The following LMNTD1 variants were observed in gnomAD, a reference collection of about 807,000 sequenced individuals.
LMNTD1 encodes the protein lamin tail domain-containing protein 1.
In LMNTD1, 35 loss-of-function variants were observed where a neutral mutation model predicts 50.9. The ratio of observed to expected loss-of-function variants is 0.69; its 90% confidence interval spans 0.53 to 0.91. The LOEUF (loss-of-function observed/expected upper bound fraction) is 0.91. Ranked by LOEUF, LMNTD1 falls within the 40% of genes least tolerant of loss-of-function variation. The pLI is 0.00. For synonymous variants in LMNTD1, 153 were observed against 161.9 expected, an observed-to-expected ratio of 0.94 and a Z score of 0.42; for missense variants, 470 against 475.5, an observed-to-expected ratio of 0.99 and a Z score of 0.11.
chr12:25,631,435 C>T (rs532267762), intron 1 of LMNTD1, among the ~76,000 whole-genome samples: 3 of 152,200 alleles, frequency 2.0e-5, no homozygotes, highest in Non-Finnish European at 4.4e-5. Context: ...GCACTGGTAT[C>T]CACAGCTGAG....
At chr12:25,490,413 A>G (rs1456067894) in intron 9 of LMNTD1, among the ~76,000 whole-genome samples, 2 of 152,216 alleles carry the variant, frequency 1.3e-5, no homozygotes, top group Admixed American at 1.3e-4. Context: ...AACAAGGTAT[A>G]TACTCTTTAG....
chr12:25,597,451 G>A (rs1185930765), intron 1 of LMNTD1, among the ~76,000 whole-genome samples: 2 of 152,022 alleles, frequency 1.3e-5, no homozygotes, highest in Non-Finnish European at 2.9e-5. Context: ...TCAGCAAGTG[G>A]TTATAACAAT....
rs1941025453 is a variant in LMNTD1, at chr12:25,518,982, A to G, written c.1017-15T>C. On this transcript the variant is annotated splice_polypyrimidine_tract_variant and intron_variant, in intron 7 of 9. Transcript: ENST00000458174. ...TTTCCTTCTCTCTGTAAAAGAAAAA[A>G]GCCTAAATGGAACTCAAAAGCCATT... 1.9e-6 allele frequency: 3 copies of G among 1,613,230 alleles called. No homozygotes were observed. In the Admixed American group the frequency reaches 5.0e-5, roughly 27 times the overall value.
intron 1 of LMNTD1, among the ~76,000 whole-genome samples, chr12:25,579,940 T>C (rs1159648899): frequency 2.0e-5 from 3 of 152,132 alleles, no homozygotes; most frequent in South Asian, 4.1e-4. Context: ...ATAGATGTAA[T>C]TATTTGGGTT....
chr12:25,561,225 T>C (rs1944304491), intron 1 of LMNTD1, among the ~76,000 whole-genome samples: 1 of 152,214 alleles, frequency 6.6e-6, no homozygotes, highest in South Asian at 2.1e-4. Context: ...GTTCTTTTAA[T>C]TGTGATGTTA....
At chr12:25,646,633 G>T (rs1485917052) in intron 1 of LMNTD1, among the ~76,000 whole-genome samples, 1 of 152,178 alleles carries the variant, frequency 6.6e-6, no homozygotes, top group Non-Finnish European at 1.5e-5. Flanking sequence ...GGAGTAAAAG[G>T]TAGCCTGGGA....
chr12:25,506,290 C>T (rs1391814997), intron 8 of LMNTD1, among the ~76,000 whole-genome samples: 1 of 152,172 alleles, frequency 6.6e-6, no homozygotes, highest in African/African-American at 2.4e-5. Flanking sequence ...GGAGCATCAT[C>T]ATTATTATTA....
intron 4 of LMNTD1, among the ~76,000 whole-genome samples, chr12:25,535,861 G>C (rs1359545558): frequency 1.3e-5 from 2 of 152,002 alleles, no homozygotes; most frequent in Non-Finnish European, 2.9e-5. Context: ...GACACAAATA[G>C]TTAAAAAGTT....
intron 1 of LMNTD1, among the ~76,000 whole-genome samples, chr12:25,623,292 A>G (rs540785031): frequency 4.7e-4 from 71 of 152,040 alleles, no homozygotes; most frequent in African/African-American, 1.7e-3. Context: ...GCTCATGCCT[A>G]TAATCCCAGC....
At chr12:25,527,673 TATATATATAC>T (rs1361350249) in intron 4 of LMNTD1, among the ~76,000 whole-genome samples, 73 of 21,432 alleles carry the variant, frequency 3.4e-3, no homozygotes, top group African/African-American at 5.1e-3. Context: ...TATATATATA[TATATATATAC>T]ACACACACAC....
At chr12:25,488,701 G>C (rs1047927104) in intron 9 of LMNTD1, among the ~76,000 whole-genome samples, 4 of 152,310 alleles carry the variant, frequency 2.6e-5, no homozygotes, top group African/African-American at 9.6e-5. Flanking sequence ...TGGAGGAGGA[G>C]AGGCACTCTG....
intron 4 of LMNTD1, among the ~76,000 whole-genome samples, chr12:25,544,097 T>C (rs959219418): frequency 1.3e-5 from 2 of 151,936 alleles, no homozygotes; most frequent in Non-Finnish European, 2.9e-5. Context: ...ATTGGTCTAA[T>C]GTGCAACTTA....
intron 8 of LMNTD1, among the ~76,000 whole-genome samples, chr12:25,505,376 A>G (rs761232580): frequency 1.3e-5 from 2 of 152,206 alleles, no homozygotes; most frequent in Non-Finnish European, 2.9e-5. Flanking sequence ...ATGTTTTGAA[A>G]TAAAATATCT....
intron 4 of LMNTD1, among the ~76,000 whole-genome samples, chr12:25,527,679 TATACACACACACAC>T (rs1391131838): frequency 1.4e-3 from 26 of 19,258 alleles, no homozygotes; most frequent in East Asian, 5.4e-3. Flanking sequence ...TATATATATA[TATACACACACACAC>T]ACACACACAC....
intron 8 of LMNTD1, among the ~76,000 whole-genome samples, chr12:25,512,989 C>T (rs1277422169): frequency 1.3e-5 from 2 of 152,086 alleles, no homozygotes; most frequent in African/African-American, 2.4e-5. Context: ...AGTGTCACAT[C>T]GTATTTAATC....
At chr12:25,537,027 A>C (rs554106230) in intron 4 of LMNTD1, among the ~76,000 whole-genome samples, 1 of 152,338 alleles carries the variant, frequency 6.6e-6, no homozygotes, top group South Asian at 2.1e-4. Context: ...GACGGGCTTA[A>C]AAAACGGCGA....
chr12:25,564,537 A>G (rs1944473573), intron 1 of LMNTD1, among the ~76,000 whole-genome samples: 1 of 152,194 alleles, frequency 6.6e-6, no homozygotes, highest in African/African-American at 2.4e-5. Flanking sequence ...GATTACAGGC[A>G]TGAACCACCA....
At chr12:25,518,151 T>C (rs980839801) in intron 8 of LMNTD1, among the ~76,000 whole-genome samples, 1 of 152,224 alleles carries the variant, frequency 6.6e-6, no homozygotes, top group Non-Finnish European at 1.5e-5. Context: ...CTTTCTCCAA[T>C]AGTTGAGTCT....
At chr12:25,551,737 G>T (rs1442121584) in intron 2 of LMNTD1, among the ~76,000 whole-genome samples, 1 of 152,188 alleles carries the variant, frequency 6.6e-6, no homozygotes, top group Non-Finnish European at 1.5e-5. Context: ...AAAGAGCTGA[G>T]ACATTTCAGG....
Sources: gnomAD v4.1 joint callset for allele counts (sites outside exome capture counted in the v4.1 genomes callset) on GRCh38, gnomAD v4.1.1 for gene constraint, MANE v1.5 for transcripts, NCBI Gene and HGNC (gene_info 2026-07-23, HGNC 2026-07-21) for gene names.